Variants in DYNC1I1 observed in about 807,000 individuals in gnomAD.
DYNC1I1 encodes cytoplasmic dynein 1 intermediate chain 1.
In DYNC1I1, 43 loss-of-function variants were observed where a neutral mutation model predicts 86.6. The observed-to-expected ratio is 0.50, with a 90% confidence interval of 0.39 to 0.64. The LOEUF is 0.64. Ranked by LOEUF, DYNC1I1 falls within the 30% of genes least tolerant of loss-of-function variation. The pLI is 0.00. For missense variants in DYNC1I1, 604 were observed against 788.8 expected, an observed-to-expected ratio of 0.77 and a Z score of 2.81; for synonymous variants, 262 against 283.7, an observed-to-expected ratio of 0.92 and a Z score of 0.77.
chr7:95,828,204 T>C (rs1795244779), intron 5 of DYNC1I1, 88 bp downstream of exon 5: 3 of 1,453,084 alleles, frequency 2.1e-6, no homozygotes, highest in South Asian at 1.2e-5. Flanking sequence ...TCTTGTGTTC[T>C]CCCCTTTTGT....
intron 14 of DYNC1I1, among the ~76,000 whole-genome samples, chr7:96,051,843 G>A (rs1789413168): frequency 1.3e-5 from 2 of 152,086 alleles, no homozygotes; most frequent in South Asian, 4.1e-4. Flanking sequence ...AAAGAGACAA[G>A]AAACATTTTT....
intron 10 of DYNC1I1, among the ~76,000 whole-genome samples, chr7:96,012,224 A>T (rs537210916): frequency 6.6e-6 from 1 of 152,164 alleles, no homozygotes; most frequent in Non-Finnish European, 1.5e-5. Context: ...CTTAGGCTTG[A>T]AAGATTTATT....
intron 6 of DYNC1I1, among the ~76,000 whole-genome samples, chr7:95,967,107 T>C (rs1793035817): frequency 6.6e-6 from 1 of 152,110 alleles, no homozygotes; most frequent in Non-Finnish European, 1.5e-5. Flanking sequence ...CATACAGATA[T>C]GAATAATTAA....
At chr7:95,940,203 C>T (rs1333363825) in intron 6 of DYNC1I1, among the ~76,000 whole-genome samples, 3 of 151,712 alleles carry the variant, frequency 2.0e-5, no homozygotes, top group Admixed American at 6.6e-5. Flanking sequence ...GAGGGTAACC[C>T]GACCTTTCTC....
At chr7:96,057,665 G>A (rs927897887) in intron 14 of DYNC1I1, among the ~76,000 whole-genome samples, 1 of 152,074 alleles carries the variant, frequency 6.6e-6, no homozygotes, top group Non-Finnish European at 1.5e-5. Context: ...TTATGTGTTA[G>A]TTGCTTCCCT....
chr7:95,932,656 C>T (rs768314496), intron 6 of DYNC1I1, among the ~76,000 whole-genome samples: 4 of 152,068 alleles, frequency 2.6e-5, no homozygotes, highest in Non-Finnish European at 5.9e-5. Context: ...CAAGTTGAAC[C>T]CTTTCCATTT....
Position 95,828,068 on chromosome 7 carries a change from G to A in DYNC1I1, c.326G>A (p.Trp109Ter), listed in dbSNP as rs1795241994. Reference protein sequence around the residue: ...DLGPLTRTLQWDTDPSVLQLQ... With the variant: ...DLGPLTRTLQ ...TGCTGCACAATTAGGACCCTGCAGT[G>A]GGACACAGACCCCTCAGTGCTCCAG... Residue 109 changes from tryptophan (W) to a stop codon, truncating the protein, a stop_gained, in exon 5 of 17, where the codon TGG becomes TAG. Coordinates refer to ENST00000447467, the MANE Select transcript of DYNC1I1 (RefSeq NM_001135556.2). LOFTEE classifies it high-confidence loss of function. 2 of 1,613,680 alleles carry A rather than the reference G, an allele frequency of 1.2e-6. No individual in the cohort carries two copies. Among genetic ancestry groups the A allele is most frequent in the Non-Finnish European group, 1.7e-6 (2 of 1,179,784 alleles).
At chr7:96,058,394 A>T (rs1478395847) in intron 14 of DYNC1I1, among the ~76,000 whole-genome samples, 1 of 152,224 alleles carries the variant, frequency 6.6e-6, no homozygotes, top group Non-Finnish European at 1.5e-5. Context: ...TTAAAAAGAG[A>T]TGTTTTGTCC....
intron 6 of DYNC1I1, among the ~76,000 whole-genome samples, chr7:95,957,701 C>T (rs865886568): frequency 2.6e-5 from 4 of 152,136 alleles, no homozygotes; most frequent in East Asian, 3.9e-4. Context: ...GAGGAGCAGT[C>T]GGAGCCAGGA....
At chr7:96,053,784 C>G (rs562986983) in intron 14 of DYNC1I1, among the ~76,000 whole-genome samples, 1 of 152,030 alleles carries the variant, frequency 6.6e-6, no homozygotes, top group South Asian at 2.1e-4. Flanking sequence ...CATCTTTATC[C>G]CGTGTCTCAC....
intron 1 of DYNC1I1, among the ~76,000 whole-genome samples, chr7:95,789,832 A>C (rs1170170232): frequency 6.6e-6 from 1 of 152,254 alleles, no homozygotes; most frequent in Non-Finnish European, 1.5e-5. Context: ...AATATATTTC[A>C]AAAGTTTAAC....
chr7:96,095,524 T>C (rs1305530155), intron 16 of DYNC1I1, among the ~76,000 whole-genome samples: 1 of 152,168 alleles, frequency 6.6e-6, no homozygotes, highest in African/African-American at 2.4e-5. Context: ...AGACCTATTT[T>C]TTTCTCCAAT....
At chr7:96,095,543 T>C (rs1790978268) in intron 16 of DYNC1I1, among the ~76,000 whole-genome samples, 1 of 152,096 alleles carries the variant, frequency 6.6e-6, no homozygotes, top group Non-Finnish European at 1.5e-5. Flanking sequence ...ATATTTAAAG[T>C]TATATGAAGT....
chr7:95,938,763 G>A (rs1792118260), intron 6 of DYNC1I1, among the ~76,000 whole-genome samples: 3 of 152,116 alleles, frequency 2.0e-5, no homozygotes, highest in African/African-American at 7.2e-5. Flanking sequence ...GTGGGATGTA[G>A]GTAGTGGTTG....
intron 6 of DYNC1I1, among the ~76,000 whole-genome samples, chr7:95,898,811 G>A (rs1234593239): frequency 3.9e-5 from 6 of 152,148 alleles, no homozygotes. Flanking sequence ...TAAAGAAGAG[G>A]TTGATTAAGT....
At chr7:96,095,778 A>G (rs913728146) in intron 16 of DYNC1I1, among the ~76,000 whole-genome samples, 3 of 151,994 alleles carry the variant, frequency 2.0e-5, no homozygotes, top group African/African-American at 4.8e-5. Flanking sequence ...GCTTGTTTGT[A>G]TTGTACATTT....
At chr7:95,857,958 G>A (rs1176314347) in intron 5 of DYNC1I1, among the ~76,000 whole-genome samples, 2 of 152,206 alleles carry the variant, frequency 1.3e-5, no homozygotes, top group Non-Finnish European at 2.9e-5. Context: ...TGCTTTGTCT[G>A]TGATCATTGT....
In DYNC1I1 at chr7:95,809,619, T is replaced by C. The variant is rs139258069; in HGVS notation, c.109-773T>C. ...CCACAGATCTTGTTTACCTGCATTT[T>C]AATTTGTCACTGATCTGTAAAAACA... is the stretch of plus-strand genomic sequence containing the variant. On this transcript the variant is annotated intron_variant, in intron 2 of 16. Transcript: ENST00000447467. Among the ~76,000 whole-genome samples the C allele has an allele frequency of 6.2e-3, 945 of 152,292 alleles. 16 individuals carry two copies. Among genetic ancestry groups the C allele is most frequent in the African/African-American group, 0.022 (911 of 41,572 alleles).
intron 16 of DYNC1I1, among the ~76,000 whole-genome samples, chr7:96,084,162 C>T (rs1790605293): frequency 6.6e-6 from 1 of 151,736 alleles, no homozygotes. Context: ...GCATAGGGCA[C>T]CGTGCTTAGG....
Sources: allele counts gnomAD v4.1 joint callset (sites outside exome capture counted in the v4.1 genomes callset), GRCh38; gene constraint gnomAD v4.1.1; transcripts MANE v1.5; gene names NCBI Gene and HGNC (gene_info 2026-07-23, HGNC 2026-07-21).